SHQ1: variants seen among roughly 807,000 people sequenced by gnomAD.
The protein encoded by SHQ1 is SHQ1, H/ACA ribonucleoprotein assembly factor, also known as protein SHQ1 homolog.
In SHQ1, 49 loss-of-function variants were observed where a neutral mutation model predicts 53.8. The ratio of observed to expected loss-of-function variants is 0.91; its 90% confidence interval spans 0.72 to 1.16. SHQ1 has a LOEUF of 1.16. Ranked by LOEUF, SHQ1 falls within the 50% of genes most tolerant of loss-of-function variation. The pLI is 0.00. For missense variants in SHQ1, 738 were observed against 683.1 expected (o/e 1.08, Z -0.90); for synonymous variants, 243 against 251.0 (o/e 0.97, Z 0.30).
At chr3:72,808,615 G>C (rs1286167027) in intron 9 of SHQ1, among the ~76,000 whole-genome samples, 1 of 152,160 alleles carries the variant, frequency 6.6e-6, no homozygotes. Flanking sequence ...CTGGCACACA[G>C]AAGGTAGCTA....
the SHQ1 span, among the ~76,000 whole-genome samples, chr3:72,733,072 G>A: frequency 6.6e-6 from 1 of 151,696 alleles, no homozygotes; most frequent in African/African-American, 2.4e-5. Context: ...GAGGAGAGAG[G>A]TGGGGTGGAG....
chr3:72,773,775 C>T (rs1265651203), intron 10 of SHQ1, among the ~76,000 whole-genome samples: 2 of 152,186 alleles, frequency 1.3e-5, no homozygotes, highest in Non-Finnish European at 2.9e-5. Flanking sequence ...AAGACAGAAA[C>T]ACATGACTTA....
rs1491527508 is a variant in SHQ1, at chr3:72,765,557, A to ATATTTT, written c.1182-14722_1182-14721insAAAATA. On this transcript the variant is annotated intron_variant, in intron 10 of 10. Transcript: ENST00000325599. ...TATATATATATATATATATATATAT[A>ATATTTT]TTTTTTTTTTTTTTTTGAGACAGTC... Among the ~76,000 whole-genome samples the ATATTTT allele has an allele frequency of 6.5e-4, 37 of 57,182 alleles. 1 individual carries two copies. The highest frequency in any genetic ancestry group is 2.5e-3 in the African/African-American group (32 of 12,622). The allele number at this position is 57,182 out of a possible 152,430, so 37.5% of individuals were successfully genotyped here.
intron 6 of SHQ1, among the ~76,000 whole-genome samples, chr3:72,821,013 T>G (rs3772973): frequency 1.3e-5 from 2 of 152,246 alleles, no homozygotes; most frequent in African/African-American, 4.8e-5. Context: ...CAAACATCCC[T>G]CTTATCTGGG....
At chr3:72,755,130 C>T (rs1312591670) in intron 10 of SHQ1, among the ~76,000 whole-genome samples, 1 of 152,118 alleles carries the variant, frequency 6.6e-6, no homozygotes, top group East Asian at 1.9e-4. Flanking sequence ...TCCAGGGGCC[C>T]AAACAGGAAC....
intron 10 of SHQ1, among the ~76,000 whole-genome samples, chr3:72,769,550 C>G (rs951391799): frequency 1.3e-5 from 2 of 152,202 alleles, no homozygotes; most frequent in Admixed American, 6.5e-5. Flanking sequence ...CTGCCTAGCA[C>G]ATCTTCCCCC....
At chr3:72,744,575 C>G (rs187679823), downstream of SHQ1, among the ~76,000 whole-genome samples, 78 of 152,300 alleles carry the variant, frequency 5.1e-4, no homozygotes, top group Non-Finnish European at 1.0e-3. Flanking sequence ...AGCCTTGAGA[C>G]AAGAGTTGTG....
At position 72,789,145 on chromosome 3, in the gene SHQ1, T is replaced by TA. The variant is rs199989381; in HGVS notation, c.1181+3770dup. On this transcript the variant is annotated intron_variant, in intron 10 of 10. Transcript: ENST00000325599. ...TTTAAAAAATGCATTGGGAAACAAA[T>TA]ACAGGAAATATCAAAATACTAATAT... is the stretch of plus-strand genomic sequence containing the variant. Among the ~76,000 whole-genome samples the TA allele has an allele frequency of 3.8e-3, 538 of 142,944 alleles. 4 individuals are homozygous for TA. The highest frequency in any genetic ancestry group is 0.013 in the African/African-American group (481 of 38,408). The allele number at this position is 142,944 out of a possible 152,430, so 93.8% of individuals were successfully genotyped here.
intron 10 of SHQ1, among the ~76,000 whole-genome samples, chr3:72,788,769 T>A (rs1206608919): frequency 6.6e-6 from 1 of 152,202 alleles, no homozygotes; most frequent in African/African-American, 2.4e-5. Context: ...TGTTAATCTA[T>A]AACCTTACCC....
At chr3:72,749,236 T>C, downstream of SHQ1, 1 of 206,938 alleles carries the variant, frequency 4.8e-6, no homozygotes, top group Non-Finnish European at 9.9e-6. Flanking sequence ...CACTCTCAGG[T>C]ATTTGACTAA....
chr3:72,804,425 C>G (rs991969948), intron 9 of SHQ1, among the ~76,000 whole-genome samples: 25 of 151,950 alleles, frequency 1.6e-4, no homozygotes, highest in Non-Finnish European at 2.6e-4. Context: ...CACCACCCCC[C>G]CACCCCGCCA....
At chr3:72,838,951 TAAAAAAAAA>T in intron 4 of SHQ1, among the ~76,000 whole-genome samples, 1 of 136,570 alleles carries the variant, frequency 7.3e-6, no homozygotes, top group East Asian at 2.1e-4. Context: ...TATAGCAGCT[TAAAAAAAAA>T]AAAAAACCTA....
At chr3:72,741,785 C>T in the SHQ1 span, among the ~76,000 whole-genome samples, 2 of 152,092 alleles carry the variant, frequency 1.3e-5, no homozygotes. Context: ...CTTCAACCAA[C>T]CACAGACTGA....
At position 72,762,229 on chromosome 3, in the gene SHQ1, T is replaced by C. The variant is rs536978592; in HGVS notation, c.1182-11393A>G. The stretch of plus-strand genomic sequence containing the variant: ...TGGCAACGCTAAATGCTGAAAAGAA[T>C]GGCTCTCATAAGGTTTATCCAAATG... On this transcript the variant is annotated intron_variant, in intron 10 of 10. Coordinates refer to ENST00000325599, the MANE Select transcript of SHQ1 (RefSeq NM_018130.3). 1.0e-3 allele frequency among the ~76,000 whole-genome samples: 152 copies of C among 152,330 alleles called. 1 individual carries two copies. Among genetic ancestry groups the C allele is most frequent in the African/African-American group, 3.6e-3 (148 of 41,570 alleles).
the SHQ1 span, among the ~76,000 whole-genome samples, chr3:72,738,050 C>T: frequency 6.6e-6 from 1 of 152,184 alleles, no homozygotes; most frequent in Admixed American, 6.5e-5. Flanking sequence ...CCTGAGCAAT[C>T]TTGTTCCCTC....
At chr3:72,812,560 T>C (rs970658647) in intron 9 of SHQ1, 111 bp downstream of exon 9, 1 of 1,198,844 alleles carries the variant, frequency 8.3e-7, no homozygotes, top group Non-Finnish European at 1.2e-6. Flanking sequence ...GGATTCATTT[T>C]TCATTACTTA....
intron 6 of SHQ1, among the ~76,000 whole-genome samples, chr3:72,822,632 T>G (rs1188203815): frequency 6.6e-6 from 1 of 152,172 alleles, no homozygotes; most frequent in Non-Finnish European, 1.5e-5. Context: ...CGTGCTAAAA[T>G]TAGGGAAACT....
At chr3:72,747,503 T>C (rs897047848), downstream of SHQ1, among the ~76,000 whole-genome samples, 10 of 152,200 alleles carry the variant, frequency 6.6e-5, no homozygotes, top group African/African-American at 1.9e-4. Context: ...TGAAAGACTT[T>C]CCATGCTATG....
At chr3:72,731,502 A>G in the SHQ1 span, among the ~76,000 whole-genome samples, 1 of 150,618 alleles carries the variant, frequency 6.6e-6, no homozygotes, top group Non-Finnish European at 1.5e-5. Flanking sequence ...CCTGGCCAAC[A>G]TGGTGAAACC....
Sources: allele counts gnomAD v4.1 joint callset (sites outside exome capture counted in the v4.1 genomes callset), GRCh38; gene constraint gnomAD v4.1.1; transcripts MANE v1.5; gene names NCBI Gene and HGNC (gene_info 2026-07-23, HGNC 2026-07-21).